LIMK2: variants seen among roughly 807,000 people sequenced by gnomAD.
The protein encoded by LIMK2 is LIM domain kinase 2.
LIMK2 carries 35 observed loss-of-function variants against 75.7 expected under a neutral mutation model. The observed-to-expected ratio is 0.46, with a 90% CI of 0.35 to 0.61. The LOEUF (loss-of-function observed/expected upper bound fraction) is 0.61, where lower values mean the gene tolerates loss of function less well. Ranked by LOEUF, LIMK2 falls within the 20% of genes least tolerant of loss-of-function variation. LIMK2 has a pLI of 0.00. For missense variants in LIMK2, 623 were observed against 831.0 expected, an observed-to-expected ratio of 0.75 and a Z score of 3.08; for synonymous variants, 301 against 319.2, an observed-to-expected ratio of 0.94 and a Z score of 0.61.
intron 2 of LIMK2, chr22:31,248,700 T>C: frequency 6.2e-7 from 1 of 1,614,126 alleles, no homozygotes; most frequent in African/African-American, 1.3e-5. Context: ...AGCCTGTCTA[T>C]CTGGTGTGGG....
chr22:31,272,002 CT>C (rs2048962631), intron 12 of LIMK2, among the ~76,000 whole-genome samples: 1 of 152,218 alleles, frequency 6.6e-6, no homozygotes, highest in Non-Finnish European at 1.5e-5. Context: ...TGGGAGTCTG[CT>C]GTGCACAGAT....
At chr22:31,257,338 C>G (rs1426476010) in intron 2 of LIMK2, among the ~76,000 whole-genome samples, 1 of 152,068 alleles carries the variant, frequency 6.6e-6, no homozygotes, top group Non-Finnish European at 1.5e-5. Context: ...CACATAGATT[C>G]ATGATTTGTT....
At position 31,233,025 on chromosome 22, in the gene LIMK2, G is replaced by A. The variant is rs11089492; in HGVS notation, c.116+7206G>A. 7.9e-3 allele frequency among the ~76,000 whole-genome samples: 1,207 copies of A among 152,236 alleles called. 17 individuals are homozygous for A. Among genetic ancestry groups the A allele is most frequent in the African/African-American group, 0.028 (1,153 of 41,516 alleles). On this transcript the variant is annotated intron_variant, in intron 2 of 15. Coordinates refer to ENST00000331728, the MANE Select transcript of LIMK2 (RefSeq NM_005569.4). ...AACAACATTCCTTTAGTAATATTCC[G>A]AATAACAGCTTCATCAGTCTGTCTA... is the stretch of plus-strand genomic sequence containing the variant.
At chr22:31,215,401 C>T (rs958015210) in intron 1 of LIMK2, among the ~76,000 whole-genome samples, 6 of 152,148 alleles carry the variant, frequency 3.9e-5, no homozygotes, top group African/African-American at 1.4e-4. Flanking sequence ...TGGGCAGGAC[C>T]AAGTTTTACC....
Position 31,262,386 on chromosome 22 carries a change from C to A in LIMK2, c.657+147C>A. ...TGTGACCACTGGTGACCTATTTCAG[C>A]GTAACAGGTTCCCAGGGTAGCAGGG... On this transcript the variant is annotated intron_variant, in intron 6 of 15. Transcript: ENST00000331728. This position sits in a 1 kb window ranked among gnomAD's most constrained non-coding sequence, Gnocchi z 5.0. 1 of 808,294 alleles carries A rather than the reference C, an allele frequency of 1.2e-6. No homozygotes were observed. Among genetic ancestry groups the A allele is most frequent in the Non-Finnish European group, 2.0e-6 (1 of 491,472 alleles). 50.1% of individuals were successfully genotyped at this position (808,294 alleles called of 1,614,324 possible).
chr22:31,259,084 C>T lies in LIMK2; in HGVS notation c.253-37C>T, dbSNP rs183501908. The stretch of plus-strand genomic sequence containing the variant: ...AGCAACAGTGATAACTCACTTCCTT[C>T]CTCCCTTTGTACACCCTTCTCCCCA... On this transcript the variant is annotated intron_variant, in intron 3 of 15. Transcript: ENST00000331728. The T allele has an allele frequency of 7.0e-4, 868 of 1,242,516 alleles. 5 individuals are homozygous for T. In the African/African-American group the frequency reaches 0.011, roughly 16 times the overall value. 77.0% of individuals were successfully genotyped at this position (1,242,516 alleles called of 1,614,324 possible).
chr22:31,224,191 A>T (rs965886585), intron 1 of LIMK2, among the ~76,000 whole-genome samples: 67 of 152,138 alleles, frequency 4.4e-4, no homozygotes, highest in African/African-American at 1.5e-3. Flanking sequence ...CAAGAAGTTG[A>T]CATCTGAGCC....
intron 1 of LIMK2, among the ~76,000 whole-genome samples, chr22:31,219,284 A>G (rs1275704309): frequency 2.6e-5 from 4 of 151,986 alleles, no homozygotes; most frequent in Non-Finnish European, 5.9e-5. Flanking sequence ...TGAGGGCCAC[A>G]TTGCTAATTA....
chr22:31,262,064 T>C lies in LIMK2; in HGVS notation c.552-70T>C. 7.7e-7 allele frequency: 1 copy of C among 1,305,852 alleles called. No homozygotes were observed. The highest frequency in any genetic ancestry group is 1.1e-6 in the Non-Finnish European group (1 of 901,206). 80.9% of individuals were successfully genotyped at this position (1,305,852 alleles called of 1,614,324 possible). A position where few individuals can be genotyped will look rare whatever the true frequency, so the allele number is the denominator to read the frequency against. On this transcript the variant is annotated intron_variant, in intron 5 of 15. Transcript: ENST00000331728. The surrounding 1 kb of genome is among the most constrained non-coding windows in gnomAD (Gnocchi z 5.0). ...GGCCTGGGACCTGGTAAACCTTCCCTGCACAAGCAGAATTGGTCAAGCAGG... is the reference window on the plus strand; with the variant it reads ...GGCCTGGGACCTGGTAAACCTTCCCCGCACAAGCAGAATTGGTCAAGCAGG...
intron 2 of LIMK2, among the ~76,000 whole-genome samples, chr22:31,256,659 C>T (rs989495023): frequency 6.6e-6 from 1 of 152,062 alleles, no homozygotes; most frequent in Non-Finnish European, 1.5e-5. Context: ...ATTTTTAATA[C>T]ATATTATTTC....
rs1229710916 is a variant in LIMK2 at position 31,279,044 on chromosome 22, T to A, written c.*603T>A. 1 of 152,256 alleles carries A rather than the reference T, an allele frequency of 6.6e-6. No individual in the cohort carries two copies. Among genetic ancestry groups the A allele is most frequent in the Non-Finnish European group, 1.5e-5 (1 of 68,052 alleles). The allele number at this position is 152,256 out of a possible 1,614,324, so 9.4% of individuals were successfully genotyped here. A position where few individuals can be genotyped will look rare whatever the true frequency, so the allele number is the denominator to read the frequency against. On this transcript the variant is annotated 3_prime_UTR_variant, in exon 16 of 16. Transcript: ENST00000331728. ...ACAGGCCAGGAGTTAGAGAAAGGGC[T>A]GGCTTCTGTTTACCTGCTCACTGGC...
At chr22:31,227,093 G>A (rs998730400) in intron 2 of LIMK2, among the ~76,000 whole-genome samples, 1 of 152,186 alleles carries the variant, frequency 6.6e-6, no homozygotes, top group Non-Finnish European at 1.5e-5. Context: ...CCCAGTGAAT[G>A]GTTATTCCTT....
intron 13 of LIMK2, chr22:31,273,176 T>C: frequency 3.1e-6 from 1 of 324,092 alleles, no homozygotes; most frequent in Non-Finnish European, 4.4e-6. Context: ...AGCTGCCTAA[T>C]GGCAGAGGCT....
At chr22:31,261,314 G>A (rs990925597) in intron 5 of LIMK2, among the ~76,000 whole-genome samples, 1 of 152,096 alleles carries the variant, frequency 6.6e-6, no homozygotes, top group South Asian at 2.1e-4. Flanking sequence ...TTGGGAGGCC[G>A]AGGTGGGCGG....
intron 12 of LIMK2, among the ~76,000 whole-genome samples, chr22:31,272,015 C>T (rs1448119074): frequency 6.6e-6 from 1 of 152,184 alleles, no homozygotes; most frequent in African/African-American, 2.4e-5. Flanking sequence ...TGCACAGATA[C>T]CAGACCCTCA....
rs149112112 is a variant in LIMK2 at position 31,212,533 on chromosome 22, C to T, written c.16+109C>T. The T allele has an allele frequency of 1.7e-4, 189 of 1,133,744 alleles. No individual in the cohort carries two copies. The African/African-American group carries it at 2.8e-3, about 17-fold the overall frequency. The allele number at this position is 1,133,744 out of a possible 1,614,324, so 70.2% of individuals were successfully genotyped here. On this transcript the variant is annotated intron_variant, in intron 1 of 15. Transcript: ENST00000331728. Reference sequence around the variant, plus strand: ...GGGGGTTTCGGGCTGGTTGGGTCCTCGTGGGTCCGAGCTCCTCAGAAAAGC... The same window carrying T: ...GGGGGTTTCGGGCTGGTTGGGTCCTTGTGGGTCCGAGCTCCTCAGAAAAGC...
At chr22:31,269,521 T>A (rs553908594) in intron 11 of LIMK2, among the ~76,000 whole-genome samples, 1 of 152,004 alleles carries the variant, frequency 6.6e-6, no homozygotes, top group African/African-American at 2.4e-5. Flanking sequence ...ATCCCAGCAC[T>A]TTTTTGGGAG....
intron 2 of LIMK2, among the ~76,000 whole-genome samples, chr22:31,244,549 G>A (rs1014134422): frequency 2.0e-5 from 3 of 151,978 alleles, no homozygotes; most frequent in Admixed American, 2.0e-4. Flanking sequence ...CCTCGGCTAG[G>A]ATCCTGACCT....
At chr22:31,231,809 T>C (rs926361655) in intron 2 of LIMK2, among the ~76,000 whole-genome samples, 1 of 152,118 alleles carries the variant, frequency 6.6e-6, no homozygotes, top group African/African-American at 2.4e-5. Flanking sequence ...ATCTTCATAA[T>C]AACCCTGCAA....
Sources: gnomAD v4.1 joint callset for allele counts (sites outside exome capture counted in the v4.1 genomes callset) on GRCh38, gnomAD v4.1.1 for gene constraint, Gnocchi (gnomAD v3.1) non-coding constraint, MANE v1.5 for transcripts, NCBI Gene and HGNC (gene_info 2026-07-23, HGNC 2026-07-21) for gene names.